SPTLC3: variants seen among roughly 807,000 people sequenced by gnomAD.
The protein encoded by SPTLC3 is serine palmitoyltransferase long chain base subunit 3.
SPTLC3 carries 36 observed loss-of-function variants against 59.3 expected under a neutral mutation model. That is an observed-to-expected ratio of 0.61 (90% CI 0.47 to 0.80). The LOEUF is 0.80. SPTLC3 is among the 30% of genes least tolerant of loss of function. SPTLC3 has a pLI of 0.00. For missense variants in SPTLC3, 625 were observed against 685.1 expected, an observed-to-expected ratio of 0.91 and a Z score of 0.98; for synonymous variants, 257 against 240.8, an observed-to-expected ratio of 1.07 and a Z score of -0.62.
rs373903172 is a variant in SPTLC3, at chr20:13,117,683, C to T, written c.1110C>T (p.Thr370=). The change falls in exon 8 of 12, where the codon ACC becomes ACT. Residue 370 remains threonine (T), a synonymous_variant. Transcript: ENST00000399002. ...TTGATGTGCTCATGGGCACATTCAC[C>T]AAAAGTTTTGGAGCTTCAGGAGGTT... is the stretch of plus-strand genomic sequence containing the variant. ...HEVDVLMGTF[T]KSFGASGGYI... The T allele has an allele frequency of 6.2e-7, 1 of 1,613,356 alleles. No individual in the cohort carries two copies.
At chr20:13,114,524 A>G (rs569234946) in intron 7 of SPTLC3, among the ~76,000 whole-genome samples, 2 of 152,356 alleles carry the variant, frequency 1.3e-5, no homozygotes, top group Admixed American at 1.3e-4. Context: ...AAATACATAT[A>G]TAAACATATG....
At chr20:13,070,234 AC>A (rs1403821952) in intron 2 of SPTLC3, among the ~76,000 whole-genome samples, 5 of 152,208 alleles carry the variant, frequency 3.3e-5, no homozygotes, top group Non-Finnish European at 1.5e-5. Context: ...TCAAGGTGAG[AC>A]TTTTAAATGT....
chr20:13,027,471 CA>C (rs1369637948), intron 1 of SPTLC3, among the ~76,000 whole-genome samples: 3 of 135,966 alleles, frequency 2.2e-5, no homozygotes, highest in South Asian at 2.5e-4. Flanking sequence ...ATTATAATGC[CA>C]GACACAGACA....
At chr20:13,036,977 T>C (rs900538668) in intron 1 of SPTLC3, among the ~76,000 whole-genome samples, 1 of 152,150 alleles carries the variant, frequency 6.6e-6, no homozygotes, top group South Asian at 2.1e-4. Flanking sequence ...TTGGCTTTGT[T>C]GATTCAGTAA....
intron 2 of SPTLC3, among the ~76,000 whole-genome samples, chr20:13,051,758 T>A (rs901102382): frequency 6.6e-6 from 1 of 152,098 alleles, no homozygotes; most frequent in African/African-American, 2.4e-5. Context: ...CACAGTGGAA[T>A]AAAACTGGAA....
intron 4 of SPTLC3, chr20:13,079,922 C>A (rs572340006): frequency 1.5e-5 from 5 of 336,062 alleles, no homozygotes; most frequent in Admixed American, 8.6e-5. Context: ...GCCCTTCAGG[C>A]TTCTCAAGCC....
rs1293642790 is a variant in SPTLC3 at position 13,167,786 on chromosome 20, T to C, written c.*2919T>C. ...ACCCCTAGGCCCTACACCAGACCTT[T>C]ACTGAAACATAATAGTTGTAGTGCC... is the stretch of plus-strand genomic sequence containing the variant. On this transcript the variant is annotated 3_prime_UTR_variant, in exon 12 of 12. Transcript: ENST00000399002. 1.3e-5 allele frequency: 2 copies of C among 152,228 alleles called. No individual in the cohort carries two copies. The highest frequency in any genetic ancestry group is 2.9e-5 in the Non-Finnish European group (2 of 68,040). The allele number at this position is 152,228 out of a possible 1,614,324, so 9.4% of individuals were successfully genotyped here.
At chr20:13,151,391 G>A (rs955100668) in intron 9 of SPTLC3, among the ~76,000 whole-genome samples, 25 of 152,152 alleles carry the variant, frequency 1.6e-4, no homozygotes, top group Non-Finnish European at 1.5e-5. Flanking sequence ...TTTGGGTCAA[G>A]GGCATGCTCC....
chr20:13,157,841 G>A (rs55737114), intron 10 of SPTLC3, among the ~76,000 whole-genome samples: 3,129 of 152,216 alleles, frequency 0.021, 53 homozygotes, highest in Non-Finnish European at 0.031. Flanking sequence ...GAAATAGGGC[G>A]TTAATTGTAT....
chr20:13,077,155 A>G (rs2122583453), intron 4 of SPTLC3, among the ~76,000 whole-genome samples: 1 of 152,172 alleles, frequency 6.6e-6, no homozygotes, highest in Non-Finnish European at 1.5e-5. Context: ...GGAGACAATA[A>G]GGTGTCTCCC....
At chr20:13,072,438 T>C (rs987478629) in intron 3 of SPTLC3, 28 bp downstream of exon 3, 2 of 1,531,542 alleles carry the variant, frequency 1.3e-6, no homozygotes, top group South Asian at 1.3e-5. Context: ...AGGGGATTGG[T>C]GAAAAGAAAA....
chr20:13,160,156 G>T, intron 11 of SPTLC3, 24 bp downstream of exon 11: 1 of 1,606,788 alleles, frequency 6.2e-7, no homozygotes. Context: ...AGGCCAACGG[G>T]ATCTCAGTAC....
chr20:13,019,262 G>A (rs1985737412), intron 1 of SPTLC3, among the ~76,000 whole-genome samples: 4 of 152,084 alleles, frequency 2.6e-5, no homozygotes, highest in Admixed American at 2.0e-4. Context: ...GAGGAAAGGA[G>A]GTCTCATGAT....
chr20:13,081,220 T>A (rs568817471), intron 4 of SPTLC3, among the ~76,000 whole-genome samples: 1 of 152,300 alleles, frequency 6.6e-6, no homozygotes, highest in African/African-American at 2.4e-5. Context: ...GATGCAAACT[T>A]ACCTGATGGC....
At chr20:13,045,058 G>A (rs1987173675) in intron 1 of SPTLC3, among the ~76,000 whole-genome samples, 1 of 150,986 alleles carries the variant, frequency 6.6e-6, no homozygotes, top group Non-Finnish European at 1.5e-5. Context: ...ATCAATTCTG[G>A]GGAAAACATA....
At chr20:13,145,315 A>G (rs2038484488) in intron 9 of SPTLC3, among the ~76,000 whole-genome samples, 1 of 152,202 alleles carries the variant, frequency 6.6e-6, no homozygotes. Context: ...TCAATGTACT[A>G]AAATCACTAG....
At chr20:13,129,228 C>G (rs1439673633) in intron 9 of SPTLC3, among the ~76,000 whole-genome samples, 1 of 152,156 alleles carries the variant, frequency 6.6e-6, no homozygotes, top group Admixed American at 6.5e-5. Context: ...TCGGGAACAC[C>G]TGGCCTCAAG....
At chr20:13,157,924 T>C (rs1306898430) in intron 10 of SPTLC3, among the ~76,000 whole-genome samples, 1 of 152,234 alleles carries the variant, frequency 6.6e-6, no homozygotes, top group Non-Finnish European at 1.5e-5. Context: ...TGGTGATCTC[T>C]CCACATTTCC....
At chr20:13,039,072 C>T (rs976899234) in intron 1 of SPTLC3, among the ~76,000 whole-genome samples, 3 of 152,134 alleles carry the variant, frequency 2.0e-5, no homozygotes, top group Admixed American at 1.3e-4. Flanking sequence ...GTTCCATATG[C>T]GCTTTAGAAA....
Sources: allele counts gnomAD v4.1 joint callset (sites outside exome capture counted in the v4.1 genomes callset), GRCh38; gene constraint gnomAD v4.1.1; transcripts MANE v1.5; gene names NCBI Gene and HGNC (gene_info 2026-07-23, HGNC 2026-07-21).